PCGF6: variants seen among roughly 807,000 people sequenced by gnomAD.
PCGF6 encodes polycomb group ring finger 6, also known as polycomb group RING finger protein 6.
PCGF6 carries 24 observed loss-of-function variants against 45.5 expected under a neutral mutation model. That is an observed-to-expected ratio of 0.53 (90% confidence interval 0.38 to 0.74). The LOEUF (loss-of-function observed/expected upper bound fraction) is 0.74. PCGF6 is among the 30% of genes least tolerant of loss of function. PCGF6 has a pLI of 0.00. For missense variants in PCGF6, 356 were observed against 443.2 expected, an observed-to-expected ratio of 0.80 and a Z score of 1.77; for synonymous variants, 152 against 162.1, an observed-to-expected ratio of 0.94 and a Z score of 0.47.
At chr10:103,340,538 T>C (rs150548479) in intron 6 of PCGF6, among the ~76,000 whole-genome samples, 506 of 151,958 alleles carry the variant, frequency 3.3e-3, no homozygotes, top group Non-Finnish European at 5.5e-3. Flanking sequence ...TCAAAAAAGG[T>C]ATAAAAAGTG....
chr10:103,313,646 A>G (rs1296911852), intron 9 of PCGF6, among the ~76,000 whole-genome samples: 1 of 152,176 alleles, frequency 6.6e-6, no homozygotes, highest in Non-Finnish European at 1.5e-5. Context: ...ACGTTTTAAG[A>G]AAGTTTATGA....
intron 9 of PCGF6, 149 bp from the exon 10 acceptor site, chr10:103,304,110 C>T (rs2093128857): frequency 3.4e-6 from 2 of 593,190 alleles, no homozygotes; most frequent in Non-Finnish European, 5.9e-6. Context: ...CATATAGTTT[C>T]TTATTCACCA....
At chr10:103,345,659 C>A (rs1225793839) in intron 5 of PCGF6, among the ~76,000 whole-genome samples, 1 of 151,156 alleles carries the variant, frequency 6.6e-6, no homozygotes, top group African/African-American at 2.4e-5. Context: ...AAAACCCTGC[C>A]CCTACTAAAA....
chr10:103,332,562 C>T lies in PCGF6; in HGVS notation c.810+1363G>A, dbSNP rs376236247. On this transcript the variant is annotated intron_variant, in intron 7 of 9. Coordinates refer to ENST00000369847, the MANE Select transcript of PCGF6 (RefSeq NM_001011663.2). ...AAGTACTGGGATTACAGATGTGAGC[C>T]AACGAACCCGGCCTAATATTTCAAT... Among the ~76,000 whole-genome samples, 10 of 152,278 alleles carry T rather than the reference C, an allele frequency of 6.6e-5. No individual in the cohort carries two copies. In the South Asian group the frequency reaches 1.7e-3, roughly 25 times the overall value.
chr10:103,316,009 TATATAGAGAGAGAGAG>T (rs2093174664), intron 8 of PCGF6, among the ~76,000 whole-genome samples: 1 of 127,336 alleles, frequency 7.9e-6, no homozygotes, highest in African/African-American at 3.0e-5. Context: ...TATATATATA[TATATAGAGAGAGAGAG>T]AGAGAGAGAG....
chr10:103,335,931 C>A (rs2093255357), intron 6 of PCGF6, among the ~76,000 whole-genome samples: 2 of 151,248 alleles, frequency 1.3e-5, no homozygotes, highest in Admixed American at 6.6e-5. Flanking sequence ...CGTGTCACTA[C>A]ACTCCAGCCC....
intron 6 of PCGF6, among the ~76,000 whole-genome samples, chr10:103,340,679 C>T (rs749004942): frequency 6.6e-6 from 1 of 152,050 alleles, no homozygotes; most frequent in Non-Finnish European, 1.5e-5. Context: ...TCACTGCAGC[C>T]TCAAACTCCC....
chr10:103,349,105 T>C, intron 1 of PCGF6, 106 bp from the exon 2 acceptor site: 2 of 920,554 alleles, frequency 2.2e-6, no homozygotes, highest in Admixed American at 5.2e-5. Flanking sequence ...CTGAGTGCAG[T>C]GATGTCATCT....
At chr10:103,309,716 T>C (rs1467998965) in intron 9 of PCGF6, among the ~76,000 whole-genome samples, 2 of 151,868 alleles carry the variant, frequency 1.3e-5, no homozygotes, top group Admixed American at 6.6e-5. Flanking sequence ...GATTGCTTGA[T>C]CTCAGGAGTT....
chr10:103,326,745 T>C (rs1016487860), intron 7 of PCGF6, 113 bp from the exon 8 acceptor site: 17 of 637,412 alleles, frequency 2.7e-5, no homozygotes, highest in Admixed American at 3.7e-5. Flanking sequence ...ATAGCGAAGA[T>C]GATTCAATAG....
chr10:103,314,930 G>A (rs1387726074), intron 8 of PCGF6, among the ~76,000 whole-genome samples: 1 of 138,636 alleles, frequency 7.2e-6, no homozygotes, highest in East Asian at 2.1e-4. Context: ...ATTCCAGCCT[G>A]GGCCACAGAG....
At chr10:103,341,258 C>A (rs930618568) in intron 6 of PCGF6, among the ~76,000 whole-genome samples, 18 of 150,012 alleles carry the variant, frequency 1.2e-4, no homozygotes, top group Admixed American at 1.1e-3. Context: ...TTTTAATTTT[C>A]TTTTTTATTT....
intron 8 of PCGF6, 64 bp downstream of exon 8, chr10:103,326,470 T>C (rs1394847397): frequency 8.2e-6 from 8 of 973,416 alleles, no homozygotes; most frequent in Non-Finnish European, 1.2e-5. Context: ...TACAGAGTTC[T>C]TTCTACAGTG....
chr10:103,332,925 G>A (rs2093245307), intron 7 of PCGF6, among the ~76,000 whole-genome samples: 1 of 152,012 alleles, frequency 6.6e-6, no homozygotes, highest in Non-Finnish European at 1.5e-5. Flanking sequence ...GAATAGCCTG[G>A]CCAACATGGT....
At chr10:103,317,370 C>T (rs1477707746) in intron 8 of PCGF6, among the ~76,000 whole-genome samples, 1 of 152,152 alleles carries the variant, frequency 6.6e-6, no homozygotes, top group African/African-American at 2.4e-5. Flanking sequence ...CTTTATACCA[C>T]GTGGTATACA....
chr10:103,343,778 A>C (rs1397389616), intron 6 of PCGF6, among the ~76,000 whole-genome samples: 4 of 134,698 alleles, frequency 3.0e-5, no homozygotes, highest in African/African-American at 1.1e-4. Context: ...AGTTGCAATA[A>C]GCTGAGATTG....
intron 6 of PCGF6, among the ~76,000 whole-genome samples, chr10:103,334,988 T>C (rs1451968610): frequency 6.6e-6 from 1 of 152,210 alleles, no homozygotes; most frequent in Non-Finnish European, 1.5e-5. Flanking sequence ...AAGCCAATGT[T>C]CTTTCTTCCT....
intron 6 of PCGF6, among the ~76,000 whole-genome samples, chr10:103,344,273 CT>C (rs756711163): frequency 0.052 from 7,266 of 139,438 alleles, 490 homozygotes; most frequent in African/African-American, 0.17. Context: ...ATGACAAACA[CT>C]TTTTTTTTTT....
intron 7 of PCGF6, among the ~76,000 whole-genome samples, chr10:103,327,565 CATGAATTTATAATT>C (rs1344182658): frequency 6.6e-6 from 1 of 152,060 alleles, no homozygotes; most frequent in Non-Finnish European, 1.5e-5. Context: ...GGACACTTAA[CATGAATTTATAATT>C]ATTGGAGTGG....
Sources: gnomAD v4.1 joint callset for allele counts (sites outside exome capture counted in the v4.1 genomes callset) on GRCh38, gnomAD v4.1.1 for gene constraint, MANE v1.5 for transcripts, NCBI Gene and HGNC (gene_info 2026-07-23, HGNC 2026-07-21) for gene names.